The following INSRR variants were observed in gnomAD, a reference collection of about 807,000 sequenced individuals.
The protein encoded by INSRR is insulin receptor related receptor.
INSRR carries 114 observed loss-of-function variants against 130.0 expected under a neutral mutation model. The observed-to-expected ratio is 0.88, with a 90% CI of 0.75 to 1.02. The LOEUF is 1.02. INSRR is among the 50% of genes least tolerant of loss of function. INSRR has a pLI of 0.00. For missense variants in INSRR, 1,657 were observed against 1,735.2 expected, an observed-to-expected ratio of 0.95 and a Z score of 0.80; for synonymous variants, 674 against 705.2, an observed-to-expected ratio of 0.96 and a Z score of 0.70.
chr1:156,849,030 G>A lies in INSRR; in HGVS notation c.1462C>T (p.Arg488Cys), dbSNP rs764095956. Reference protein sequence around the residue: ...DRAACQTRTLRFVSNVTEADR... With the variant: ...DRAACQTRTLCFVSNVTEADR... Reference sequence around the variant, plus strand: ...GCCTCCGTCACGTTGGACACGAAGCGCAGGGTGCGAGTCTGGCCTGGGTGG... The same window carrying A: ...GCCTCCGTCACGTTGGACACGAAGCACAGGGTGCGAGTCTGGCCTGGGTGG... Residue 488 changes from arginine to cysteine, a missense_variant, in exon 7 of 22, where the codon CGC becomes TGC. Physicochemically the swap from Arg to Cys is radical, Grantham distance 180 (BLOSUM62 -3). Transcript: ENST00000368195. The A allele has an allele frequency of 4.3e-6, 7 of 1,613,420 alleles. No homozygotes were observed. The highest frequency in any genetic ancestry group is 1.7e-4 in the Middle Eastern group (1 of 6,054).
At chr1:156,853,514 T>G (rs1413387820) in intron 2 of INSRR, among the ~76,000 whole-genome samples, 1 of 152,214 alleles carries the variant, frequency 6.6e-6, no homozygotes, top group Non-Finnish European at 1.5e-5. Context: ...ATGCCCACCT[T>G]GAACCTGTCC....
chr1:156,857,163 A>ATGTGTG (rs57324546), intron 1 of INSRR, among the ~76,000 whole-genome samples: 1,733 of 130,572 alleles, frequency 0.013, 27 homozygotes, highest in South Asian at 0.015. Context: ...GCAGCTGTGT[A>ATGTGTG]TGTGTGTGTG....
chr1:156,852,233 C>T, intron 2 of INSRR, 42 bp from the exon 3 acceptor site: 1 of 1,535,030 alleles, frequency 6.5e-7, no homozygotes, highest in South Asian at 1.3e-5. Flanking sequence ...CATGCCCCCT[C>T]AGTCCTGGCT....
At position 156,855,176 on chromosome 1, in the gene INSRR, T is replaced by TTTATCTATCTATC. The variant is rs1553259893; in HGVS notation, c.86-874_86-873insGATAGATAGATAA. Among the ~76,000 whole-genome samples the TTTATCTATCTATC allele has an allele frequency of 9.8e-5, 14 of 143,462 alleles. No individual in the cohort carries two copies. In the Admixed American group the frequency reaches 9.9e-4, roughly 10 times the overall value. The allele number at this position is 143,462 out of a possible 152,430, so 94.1% of individuals were successfully genotyped here. A position where few individuals can be genotyped will look rare whatever the true frequency, so the allele number is the denominator to read the frequency against. On this transcript the variant is annotated intron_variant, in intron 1 of 21. Coordinates refer to ENST00000368195, the MANE Select transcript of INSRR (RefSeq NM_014215.3). ...TGAGGCCTTCTCTGACCATCCAATT[T>TTTATCTATCTATC]TATCTATCTATCTATCTATCTATCT...
intron 5 of INSRR, among the ~76,000 whole-genome samples, chr1:156,850,838 T>G (rs1224002961): frequency 1.3e-5 from 2 of 151,610 alleles, no homozygotes; most frequent in African/African-American, 4.9e-5. Flanking sequence ...ATTACAGGTG[T>G]GAGCCACCGT....
intron 19 of INSRR, 108 bp from the exon 20 acceptor site, chr1:156,841,902 G>T: frequency 1.3e-6 from 2 of 1,588,720 alleles, no homozygotes; most frequent in Non-Finnish European, 1.7e-6. Flanking sequence ...GAGTCACCAA[G>T]AACCCTGGAA....
At chr1:156,851,198 T>C in intron 5 of INSRR, 92 bp downstream of exon 5, 1 of 1,460,604 alleles carries the variant, frequency 6.8e-7, no homozygotes, top group Non-Finnish European at 9.6e-7. Context: ...AGTAGCAAAA[T>C]TGGTTCCAGA....
chr1:156,851,648 C>T lies in INSRR; in HGVS notation c.1082G>A (p.Gly361Asp). The change falls in exon 4 of 22, where the codon GGC becomes GAC. Residue 361 changes from glycine (G) to aspartate (D), a missense_variant and splice_region_variant. Physicochemically the swap from Gly to Asp is moderately conservative, Grantham distance 94 (BLOSUM62 -1). Transcript: ENST00000368195. ...GTGGCCCCAAAGTAGGTACTGACAG[C>T]CCTGGCGAAGGTTGAGGATGAGGCT... is the stretch of plus-strand genomic sequence containing the variant. ...EGSLILNLRQ[G>D]YNLEPQLQHS... 4 of 1,614,140 alleles carry T rather than the reference C, an allele frequency of 2.5e-6. No individual in the cohort carries two copies. Among genetic ancestry groups the T allele is most frequent in the Non-Finnish European group, 3.4e-6 (4 of 1,179,998 alleles).
Position 156,842,489 on chromosome 1 carries a change from A to G in INSRR, c.3146T>C (p.Val1049Ala). The change falls in exon 18 of 22, where the codon GTA becomes GCA. Residue 1049 changes from valine (V) to alanine (A), a missense_variant. Transcript: ENST00000368195. ...CHHVVRLLGV[V>A]SQGQPTLVIM... ...GACCAGAGTTGGCTGGCCCTGAGAT[A>G]CCACACCCAGGAGACGCACCTGGGA... 6.2e-7 allele frequency: 1 copy of G among 1,614,004 alleles called. No individual in the cohort carries two copies. The highest frequency in any genetic ancestry group is 1.1e-5 in the South Asian group (1 of 91,078).
intron 3 of INSRR, 35 bp from the exon 4 acceptor site, chr1:156,851,823 C>T (rs1335247916): frequency 1.3e-6 from 2 of 1,588,478 alleles, no homozygotes; most frequent in Non-Finnish European, 1.7e-6. Context: ...GAGCCTTGGA[C>T]CAGTTTGGGC....
At chr1:156,851,590 T>A in intron 4 of INSRR, 56 bp downstream of exon 4, 1 of 1,612,904 alleles carries the variant, frequency 6.2e-7, no homozygotes. Context: ...AAGGGTTGTG[T>A]CTGGGAGGAA....
chr1:156,846,028 G>A lies in INSRR; in HGVS notation c.1902C>T (p.Asn634=), dbSNP rs1164074914. 3 of 1,614,114 alleles carry A rather than the reference G, an allele frequency of 1.9e-6. No individual in the cohort carries two copies. The highest frequency in any genetic ancestry group is 2.2e-5 in the South Asian group (2 of 91,064). The change falls in exon 9 of 22, where the codon AAC becomes AAT. Residue 634 remains asparagine (N), a synonymous_variant. Transcript: ENST00000368195. ...RWKPPTQRNG[N]LTYYLVLWQR... Reference sequence around the variant, plus strand: ...GCCACAGCACCAGGTAGTAGGTGAGGTTCCCATTGCGCTGGGTCGGTGGCT... The same window carrying A: ...GCCACAGCACCAGGTAGTAGGTGAGATTCCCATTGCGCTGGGTCGGTGGCT...
In INSRR at chr1:156,846,113, G is replaced by C; in HGVS notation, c.1817C>G (p.Thr606Arg). Reference protein sequence around the residue: ...VYLRTLPAAPTVPQDVISTSN... With the variant: ...VYLRTLPAAPRVPQDVISTSN... ...CGTGGAGATGACGTCTTGGGGCACC[G>C]TGGGAGCTAGGAGTGCGAGAAGGAT... The change falls in exon 9 of 22, where the codon ACG (threonine) becomes AGG (arginine). Residue 606 changes from threonine to arginine, a missense_variant. By Grantham distance (71) the Thr-to-Arg change is moderately conservative (BLOSUM62 -1). Transcript: ENST00000368195. The C allele has an allele frequency of 6.3e-7, 1 of 1,597,026 alleles. No homozygotes were observed. Among genetic ancestry groups the C allele is most frequent in the Non-Finnish European group, 8.5e-7 (1 of 1,171,218 alleles).
At chr1:156,849,169 C>G in intron 6 of INSRR, 77 bp downstream of exon 6, 1 of 1,601,190 alleles carries the variant, frequency 6.2e-7, no homozygotes, top group Non-Finnish European at 8.5e-7. Flanking sequence ...GTGTCCCCCT[C>G]GAGCTTTCTC....
In INSRR at chr1:156,841,678, G is replaced by A. The variant is rs767771384; in HGVS notation, c.3514C>T (p.His1172Tyr). 5 of 1,613,956 alleles carry A rather than the reference G, an allele frequency of 3.1e-6. No individual in the cohort carries two copies. The highest frequency in any genetic ancestry group is 1.7e-5 in the Admixed American group (1 of 60,000). ...ESLKDGIFTT[H>Y]SDVWSFGVVL... The stretch of plus-strand genomic sequence containing the variant: ...GCTCGGCCCCACCAGACATCCGAGT[G>A]GGTGGTGAAGATCCCATCTTTGAGG... The change falls in exon 20 of 22, where the codon CAC becomes TAC. Residue 1172 changes from histidine to tyrosine, a missense_variant. His to Tyr is a moderately conservative substitution (Grantham distance 83, BLOSUM62 2). Transcript: ENST00000368195.
chr1:156,845,369 C>T lies in INSRR; in HGVS notation c.2216+3G>A. The T allele has an allele frequency of 6.3e-7, 1 of 1,589,414 alleles. No individual in the cohort carries two copies. The highest frequency in any genetic ancestry group is 8.6e-7 in the Non-Finnish European group (1 of 1,166,260). On this transcript the variant is annotated splice_donor_region_variant and intron_variant, in intron 11 of 21. Transcript: ENST00000368195. ...CCTCAGCACCTGCCCTAGTCCTGCT[C>T]ACCTTTGGGGGCTCTTGTTGATGGA... is the stretch of plus-strand genomic sequence containing the variant.
intron 7 of INSRR, among the ~76,000 whole-genome samples, chr1:156,848,411 G>A (rs1655085131): frequency 6.6e-6 from 1 of 152,086 alleles, no homozygotes; most frequent in Non-Finnish European, 1.5e-5. Flanking sequence ...CGTGTTTTTG[G>A]AGAAGTCTTT....
At chr1:156,855,735 G>A (rs940763135) in intron 1 of INSRR, among the ~76,000 whole-genome samples, 1 of 152,128 alleles carries the variant, frequency 6.6e-6, no homozygotes, top group Non-Finnish European at 1.5e-5. Context: ...TGAGGTGGGA[G>A]GATCGCTTGA....
At position 156,841,100 on chromosome 1, in the gene INSRR, C is replaced by T; in HGVS notation, c.3667G>A (p.Glu1223Lys). 6.4e-7 allele frequency: 1 copy of T among 1,557,986 alleles called. No individual in the cohort carries two copies. Among genetic ancestry groups the T allele is most frequent in the Non-Finnish European group, 8.7e-7 (1 of 1,150,334 alleles). ...GGCTGCCAGCAGCGGCTCATCAGCT[C>T]CTGCCTGGTGGGTGTGGGGAGCAGG... is the stretch of plus-strand genomic sequence containing the variant. ...ELEGCPLQLQ[E>K]LMSRCWQPNP... Residue 1223 changes from glutamate (E) to lysine (K), a missense_variant, in exon 22 of 22, where the codon GAG (glutamate) becomes AAG (lysine). Transcript: ENST00000368195.
Sources: allele counts gnomAD v4.1 joint callset (sites outside exome capture counted in the v4.1 genomes callset), GRCh38; gene constraint gnomAD v4.1.1; transcripts MANE v1.5; gene names NCBI Gene and HGNC (gene_info 2026-07-23, HGNC 2026-07-21).